The following PRKG1 variants were observed in gnomAD, a reference collection of about 807,000 sequenced individuals.
PRKG1 encodes the protein cGMP-dependent protein kinase 1.
In PRKG1, 35 loss-of-function variants were observed where a neutral mutation model predicts 88.1. That is an observed-to-expected ratio of 0.40 (90% CI 0.30 to 0.53). The LOEUF (loss-of-function observed/expected upper bound fraction) is 0.53, where lower values mean the gene tolerates loss of function less well. Among genes scored for constraint, PRKG1 ranks in the 20% least tolerant of loss-of-function variants. PRKG1 has a pLI of 0.59. For missense variants in PRKG1, 540 were observed against 839.8 expected (o/e 0.64, Z 4.41); for synonymous variants, 303 against 292.5 (o/e 1.04, Z -0.37).
intron 2 of PRKG1, among the ~76,000 whole-genome samples, chr10:51,318,440 T>C (rs1291594637): frequency 6.6e-6 from 1 of 152,236 alleles, no homozygotes; most frequent in African/African-American, 2.4e-5. Context: ...TGGTATTGAC[T>C]AGTATCATTA....
intron 5 of PRKG1, among the ~76,000 whole-genome samples, chr10:52,019,972 A>C (rs186798855): frequency 6.6e-6 from 1 of 152,190 alleles, no homozygotes; most frequent in Non-Finnish European, 1.5e-5. Context: ...TGAAGATAGG[A>C]AAGTTGGAAA....
intron 3 of PRKG1, among the ~76,000 whole-genome samples, chr10:51,570,129 T>A (rs757358286): frequency 6.7e-6 from 1 of 149,476 alleles, no homozygotes; most frequent in Non-Finnish European, 1.5e-5. Flanking sequence ...ACAGAGAATA[T>A]GATGGTATGT....
chr10:52,097,223 T>G (rs944236182), intron 7 of PRKG1, among the ~76,000 whole-genome samples: 2 of 147,326 alleles, frequency 1.4e-5, no homozygotes, highest in East Asian at 3.9e-4. Context: ...TAGCTACTAG[T>G]TAATAACTCA....
chr10:51,398,188 G>A (rs1339390143), intron 2 of PRKG1, among the ~76,000 whole-genome samples: 1 of 152,188 alleles, frequency 6.6e-6, no homozygotes, highest in Non-Finnish European at 1.5e-5. Flanking sequence ...ATGGAAGATA[G>A]TTTTTCCATG....
At chr10:51,269,904 A>C (rs1839933194) in intron 2 of PRKG1, among the ~76,000 whole-genome samples, 2 of 152,204 alleles carry the variant, frequency 1.3e-5, no homozygotes, top group Non-Finnish European at 2.9e-5. Flanking sequence ...AAGATAAATG[A>C]ATAATTTATT....
chr10:51,622,560 C>T (rs553304628), intron 3 of PRKG1, among the ~76,000 whole-genome samples: 59 of 152,196 alleles, frequency 3.9e-4, no homozygotes, highest in African/African-American at 1.1e-3. Flanking sequence ...GGTATAGATA[C>T]GGTCATTAAT....
chr10:51,796,416 C>A (rs1839012645), intron 3 of PRKG1, among the ~76,000 whole-genome samples: 1 of 151,974 alleles, frequency 6.6e-6, no homozygotes, highest in African/African-American at 2.4e-5. Flanking sequence ...ATTTTACATA[C>A]TTTTTTCATA....
intron 3 of PRKG1, among the ~76,000 whole-genome samples, chr10:51,714,862 T>C (rs557259565): frequency 2.6e-3 from 391 of 152,382 alleles, no homozygotes; most frequent in Non-Finnish European, 3.8e-3. Flanking sequence ...GTCATAAAAA[T>C]GTATCCTTTA....
intron 2 of PRKG1, among the ~76,000 whole-genome samples, chr10:51,174,122 T>C (rs898632537): frequency 4.6e-5 from 7 of 152,030 alleles, no homozygotes; most frequent in Non-Finnish European, 1.0e-4. Flanking sequence ...GTAACGGATA[T>C]ATTAATTAAC....
rs542547741 is a variant in PRKG1 at position 52,137,995 on chromosome 10, A to G, written c.1001+4090A>G. On this transcript the variant is annotated intron_variant, in intron 8 of 17. Coordinates refer to ENST00000373980, the MANE Select transcript of PRKG1 (RefSeq NM_006258.4). ...CAACTTATAATTATTAGTAAACCTT[A>G]AAGAGTTGTATATTTTTCCCCAGGA... 5.3e-5 allele frequency among the ~76,000 whole-genome samples: 8 copies of G among 152,246 alleles called. No homozygotes were observed. In the East Asian group the frequency reaches 9.7e-4, roughly 18 times the overall value.
At chr10:51,095,579 CA>C (rs1311310563) in intron 1 of PRKG1, among the ~76,000 whole-genome samples, 3 of 152,110 alleles carry the variant, frequency 2.0e-5, no homozygotes, top group Admixed American at 2.0e-4. Flanking sequence ...ACAGCAATTG[CA>C]GTTATTTTCA....
At chr10:51,547,929 T>G (rs374425238) in intron 3 of PRKG1, among the ~76,000 whole-genome samples, 11 of 152,184 alleles carry the variant, frequency 7.2e-5, no homozygotes, top group Admixed American at 4.6e-4. Context: ...CCCATATTCA[T>G]GCACATCTTA....
chr10:51,961,074 T>C (rs186658322), intron 5 of PRKG1, among the ~76,000 whole-genome samples: 6 of 152,264 alleles, frequency 3.9e-5, no homozygotes, highest in Non-Finnish European at 7.4e-5. Context: ...TAAAAGTTAG[T>C]TTTATAAGGT....
chr10:52,016,091 C>G (rs765250123), intron 5 of PRKG1, among the ~76,000 whole-genome samples: 61 of 152,232 alleles, frequency 4.0e-4, no homozygotes, highest in Non-Finnish European at 7.1e-4. Context: ...TCCAAAGTCA[C>G]TTTCACATTT....
At chr10:51,788,896 G>A (rs1838797794) in intron 3 of PRKG1, among the ~76,000 whole-genome samples, 1 of 152,102 alleles carries the variant, frequency 6.6e-6, no homozygotes, top group African/African-American at 2.4e-5. Flanking sequence ...GATTAATTAA[G>A]GATATGTCAA....
intron 7 of PRKG1, among the ~76,000 whole-genome samples, chr10:52,097,515 A>T (rs1256443078): frequency 6.6e-6 from 1 of 152,140 alleles, no homozygotes; most frequent in Non-Finnish European, 1.5e-5. Flanking sequence ...ACCAAAATTT[A>T]ATCTAGCCAG....
intron 3 of PRKG1, among the ~76,000 whole-genome samples, chr10:51,637,533 G>T (rs944092042): frequency 1.3e-5 from 2 of 152,180 alleles, no homozygotes; most frequent in Admixed American, 1.3e-4. Context: ...GTTGATCAAT[G>T]ATAGACTAGA....
Position 51,841,645 on chromosome 10 carries a change from A to AATTTG in PRKG1, c.698+36956_698+36960dup, listed in dbSNP as rs1027235120. On this transcript the variant is annotated intron_variant, in intron 4 of 17. Transcript: ENST00000373980. ...ATGTCATGAATTCATGCTGTGACTG[A>AATTTG]ATTTGTTAAAAAAAAAAGACCAAAA... 6.6e-5 allele frequency among the ~76,000 whole-genome samples: 6 copies of AATTTG among 91,386 alleles called. No homozygotes were observed. In the South Asian group the frequency reaches 1.5e-3, roughly 24 times the overall value. 60.0% of individuals were successfully genotyped at this position (91,386 alleles called of 152,430 possible). A position where few individuals can be genotyped will look rare whatever the true frequency, so the allele number is the denominator to read the frequency against.
chr10:51,108,677 G>C (rs1418250982), intron 1 of PRKG1, among the ~76,000 whole-genome samples: 1 of 152,146 alleles, frequency 6.6e-6, no homozygotes, highest in Non-Finnish European at 1.5e-5. Flanking sequence ...CATACTTAAT[G>C]GTGGGCGATT....
Sources: allele counts gnomAD v4.1 joint callset (sites outside exome capture counted in the v4.1 genomes callset), GRCh38; gene constraint gnomAD v4.1.1; transcripts MANE v1.5; gene names NCBI Gene and HGNC (gene_info 2026-07-23, HGNC 2026-07-21).